The following CLDN2 variants were observed in gnomAD, a reference collection of about 807,000 sequenced individuals.
CLDN2 encodes claudin 2.
CLDN2 carries 1 observed loss-of-function variant against 8.2 expected under a neutral mutation model. The observed-to-expected ratio is 0.12, with a 90% CI of 0.04 to 0.58. CLDN2 has a LOEUF of 0.58. Among genes scored for constraint, CLDN2 ranks in the 20% least tolerant of loss-of-function variants. CLDN2 has a pLI of 0.90. For synonymous variants in CLDN2, 70 were observed against 70.2 expected (o/e 1.00, Z 0.01); for missense variants, 108 against 172.9 (o/e 0.62, Z 2.11).
intron 1 of CLDN2, among the ~76,000 whole-genome samples, chrX:106,911,968 C>T (rs184798067): frequency 3.6e-5 from 4 of 111,369 alleles, no homozygotes; most frequent in Admixed American, 1.9e-4. Flanking sequence ...TCCCAGGATA[C>T]GAGTAGTTAC....
chrX:106,904,374 T>G (rs1933152142), intron 1 of CLDN2, among the ~76,000 whole-genome samples: 1 of 112,583 alleles, frequency 8.9e-6, no homozygotes, highest in South Asian at 3.6e-4. Flanking sequence ...CCTCCTGACC[T>G]CAGTGTCCAG....
chrX:106,928,442 G>A lies in CLDN2; in HGVS notation c.214G>A (p.Gly72Ser). 8.3e-7 allele frequency: 1 copy of A among 1,211,745 alleles called. No individual in the cohort carries two copies. Among genetic ancestry groups the A allele is most frequent in the Non-Finnish European group, 1.1e-6 (1 of 895,421 alleles). ...TQCDIYSTLL[G>S]LPADIQAAQA... ...GTGTGACATCTATAGCACCCTTCTGGGCCTGCCCGCTGACATCCAGGCTGC... is the reference window on the plus strand; with the variant it reads ...GTGTGACATCTATAGCACCCTTCTGAGCCTGCCCGCTGACATCCAGGCTGC... The change falls in exon 2 of 2, where the codon GGC becomes AGC. Residue 72 changes from glycine to serine, a missense_variant. Physicochemically the swap from Gly to Ser is moderately conservative, Grantham distance 56. This residue lies in a region of CLDN2 where 27 missense variants were observed against 72.2 expected (regional missense o/e 0.37). Transcript: ENST00000336803.
chrX:106,925,886 G>C (rs757824442), intron 1 of CLDN2, among the ~76,000 whole-genome samples: 1 of 111,787 alleles, frequency 8.9e-6, no homozygotes, highest in Non-Finnish European at 1.9e-5. Context: ...TGCACCTGTA[G>C]TCCCAGCTAC....
At chrX:106,923,066 C>T (rs900307810) in intron 1 of CLDN2, among the ~76,000 whole-genome samples, 2 of 109,255 alleles carry the variant, frequency 1.8e-5, no homozygotes, top group African/African-American at 3.4e-5. Context: ...ACCTCCACCT[C>T]CCGGTTCCAG....
chrX:106,902,305 C>G (rs1933113854), intron 1 of CLDN2: 1 of 731,887 alleles, frequency 1.4e-6, no homozygotes, highest in African/African-American at 2.1e-5. Flanking sequence ...AAGCTTGGCT[C>G]AGGTGCCATC....
chrX:106,913,818 G>A (rs1933276938), upstream of CLDN2, among the ~76,000 whole-genome samples: 1 of 110,442 alleles, frequency 9.1e-6, no homozygotes, highest in Non-Finnish European at 1.9e-5. Flanking sequence ...CTGTCATCCA[G>A]AGGCTGCTTA....
intron 1 of CLDN2, among the ~76,000 whole-genome samples, chrX:106,908,567 CT>C (rs138799168): frequency 0.063 from 5,784 of 91,390 alleles, 195 homozygotes; most frequent in African/African-American, 0.11. Context: ...CTTTTCTTTT[CT>C]TTTTTTTTTT....
chrX:106,913,822 C>A (rs186366720), upstream of CLDN2, among the ~76,000 whole-genome samples: 423 of 110,446 alleles, frequency 3.8e-3, 4 homozygotes, highest in African/African-American at 0.014. Context: ...CATCCAGAGG[C>A]TGCTTATGGC....
chrX:106,905,108 T>G (rs182094266), intron 1 of CLDN2, among the ~76,000 whole-genome samples: 94 of 112,139 alleles, frequency 8.4e-4, no homozygotes, highest in Non-Finnish European at 1.4e-3. Flanking sequence ...CTGGGGGAAA[T>G]GACAGATATT....
intron 1 of CLDN2, among the ~76,000 whole-genome samples, chrX:106,922,348 C>T (rs1933405167): frequency 8.9e-6 from 1 of 112,732 alleles, no homozygotes; most frequent in Non-Finnish European, 1.9e-5. Context: ...TCTAGAGATT[C>T]CAAGCCTCAG....
At chrX:106,907,396 A>AT (rs1313382201) in intron 1 of CLDN2, among the ~76,000 whole-genome samples, 9 of 111,484 alleles carry the variant, frequency 8.1e-5, no homozygotes, top group African/African-American at 2.6e-4. Flanking sequence ...CAATAAATAC[A>AT]TTTTTTCAAT....
rs1933505552 is a variant in CLDN2, at chrX:106,928,798, T to C, written c.570T>C (p.Asn190=). ...GCTTTTCCTGCTCATCCCAGAGAAA[T>C]CGCTCCAACTACTACGATGCCTACC... ...ILCFSCSSQR[N]RSNYYDAYQA... The change falls in exon 2 of 2, where the codon AAT becomes AAC. Residue 190 remains asparagine, a synonymous_variant. Transcript: ENST00000336803. 1.7e-6 allele frequency: 2 copies of C among 1,211,299 alleles called. No individual in the cohort carries two copies. The highest frequency in any genetic ancestry group is 2.2e-6 in the Non-Finnish European group (2 of 895,328).
chrX:106,902,952 C>T (rs1204993013), intron 1 of CLDN2, among the ~76,000 whole-genome samples: 5 of 112,306 alleles, frequency 4.5e-5, no homozygotes, highest in Non-Finnish European at 9.4e-5. Flanking sequence ...TGCCACCCAG[C>T]GGGATTAGTG....
At chrX:106,925,972 C>T (rs780302273) in intron 1 of CLDN2, among the ~76,000 whole-genome samples, 11 of 111,955 alleles carry the variant, frequency 9.8e-5, no homozygotes, top group Non-Finnish European at 2.1e-4. Flanking sequence ...CGCCACCCCA[C>T]TCCAGGCTGG....
At chrX:106,900,704 C>A (rs1373731390) in intron 1 of CLDN2, 15 of 1,169,820 alleles carry the variant, frequency 1.3e-5, no homozygotes, top group Non-Finnish European at 1.7e-5. Flanking sequence ...AGGGTATGGA[C>A]CCTGGTACCC....
rs186720703 is a variant in CLDN2, at chrX:106,930,391, T to C, written c.*1470T>C. The C allele has an allele frequency of 2.4e-5, 3 of 122,990 alleles. No individual in the cohort carries two copies. The East Asian group carries it at 8.5e-4, about 35-fold the overall frequency. The allele number at this position is 122,990 out of a possible 1,213,427, so 10.1% of individuals were successfully genotyped here. On this transcript the variant is annotated 3_prime_UTR_variant, in exon 2 of 2. Transcript: ENST00000336803. ...GAGGGGTCATACACCAAAGGTATTTTCCCTCACCAGTCTAGGCATGACTGG... is the reference window on the plus strand; with the variant it reads ...GAGGGGTCATACACCAAAGGTATTTCCCCTCACCAGTCTAGGCATGACTGG...
At chrX:106,922,639 C>A (rs968444709) in intron 1 of CLDN2, among the ~76,000 whole-genome samples, 15 of 112,101 alleles carry the variant, frequency 1.3e-4, no homozygotes, top group African/African-American at 1.9e-4. Context: ...AAGTATTGAA[C>A]CCAGCCTGGG....
intron 1 of CLDN2, among the ~76,000 whole-genome samples, chrX:106,924,984 T>C (rs1403234425): frequency 9.0e-6 from 1 of 110,757 alleles, no homozygotes. Flanking sequence ...CTGCTCTGGA[T>C]AAAGCAGTAT....
At chrX:106,905,093 G>A (rs766567308) in intron 1 of CLDN2, among the ~76,000 whole-genome samples, 2 of 112,503 alleles carry the variant, frequency 1.8e-5, no homozygotes, top group African/African-American at 6.5e-5. Flanking sequence ...ATGGAGGAAC[G>A]AAAGCTGGGG....
Sources: allele counts gnomAD v4.1 joint callset (sites outside exome capture counted in the v4.1 genomes callset), GRCh38; gene constraint gnomAD v4.1.1; regional missense constraint gnomAD v4.1.1; transcripts MANE v1.5; gene names NCBI Gene and HGNC (gene_info 2026-07-23, HGNC 2026-07-21).